The following TYW1B variants were observed in gnomAD, a reference collection of about 807,000 sequenced individuals.
The protein encoded by TYW1B is S-adenosyl-L-methionine-dependent tRNA 4-demethylwyosine synthase TYW1B.
Under a neutral mutation model 86.9 loss-of-function variants are expected in TYW1B, and 73 were observed. The ratio of observed to expected loss-of-function variants is 0.84; its 90% CI spans 0.70 to 1.02. The LOEUF (loss-of-function observed/expected upper bound fraction) is 1.02. Among genes scored for constraint, TYW1B ranks in the 50% least tolerant of loss-of-function variants. TYW1B has a pLI of 0.00. For missense variants in TYW1B, 637 were observed against 827.4 expected (o/e 0.77, Z 2.82); for synonymous variants, 248 against 292.8 (o/e 0.85, Z 1.56).
At chr7:72,751,967 A>C (rs1554465139) in intron 7 of TYW1B, among the ~76,000 whole-genome samples, 1 of 152,228 alleles carries the variant, frequency 6.6e-6, no homozygotes, top group Non-Finnish European at 1.5e-5. Flanking sequence ...GTGGAGAAGG[A>C]GAATGTCAGG....
intron 11 of TYW1B, among the ~76,000 whole-genome samples, chr7:72,638,088 G>GA (rs1812715612): frequency 1.3e-5 from 2 of 149,840 alleles, no homozygotes; most frequent in Admixed American, 6.8e-5. Flanking sequence ...TGTAATGGGG[G>GA]AAAAAAACAC....
chr7:72,593,364 A>G (rs1331942000), intron 13 of TYW1B, among the ~76,000 whole-genome samples: 9 of 152,258 alleles, frequency 5.9e-5, no homozygotes, highest in Middle Eastern at 3.4e-3. Context: ...TTTAACAGGC[A>G]CACAGAACAC....
chr7:72,764,119 A>G (rs1787732653), intron 7 of TYW1B, among the ~76,000 whole-genome samples: 1 of 152,170 alleles, frequency 6.6e-6, no homozygotes, highest in Non-Finnish European at 1.5e-5. Flanking sequence ...AAAATACTGC[A>G]TGTAAGAAAT....
intron 12 of TYW1B, among the ~76,000 whole-genome samples, chr7:72,625,387 C>G (rs1448571242): frequency 6.6e-6 from 1 of 152,082 alleles, no homozygotes; most frequent in African/African-American, 2.4e-5. Context: ...GGGAGGCTAA[C>G]GTAGAAGGAC....
At chr7:72,672,473 A>ACACACAC (rs1813630351) in intron 11 of TYW1B, among the ~76,000 whole-genome samples, 5 of 140,778 alleles carry the variant, frequency 3.6e-5, no homozygotes, top group East Asian at 2.2e-4. Flanking sequence ...TACACACACA[A>ACACACAC]ACACACACAC....
At chr7:72,615,236 T>G (rs1812041292) in intron 13 of TYW1B, among the ~76,000 whole-genome samples, 1 of 152,250 alleles carries the variant, frequency 6.6e-6, no homozygotes, top group Non-Finnish European at 1.5e-5. Flanking sequence ...TCTTACAGAC[T>G]GAAGTAAAGG....
intron 6 of TYW1B, among the ~76,000 whole-genome samples, chr7:72,793,475 G>A (rs1479145522): frequency 3.3e-5 from 5 of 152,120 alleles, no homozygotes; most frequent in Admixed American, 3.3e-4. Context: ...GGCCGGGAAC[G>A]GTGGCTCACG....
chr7:72,804,900 C>T (rs1349357437), intron 5 of TYW1B, among the ~76,000 whole-genome samples: 1 of 152,204 alleles, frequency 6.6e-6, no homozygotes, highest in African/African-American at 2.4e-5. Flanking sequence ...CTAGACTCTC[C>T]TTGATAACTT....
At chr7:72,714,844 G>A (rs1554455535) in intron 9 of TYW1B, among the ~76,000 whole-genome samples, 1 of 152,136 alleles carries the variant, frequency 6.6e-6, no homozygotes, top group African/African-American at 2.4e-5. Context: ...TTGAACCCAG[G>A]AGGCACAGAT....
intron 7 of TYW1B, among the ~76,000 whole-genome samples, chr7:72,765,257 A>C (rs782179256): frequency 1.3e-5 from 2 of 152,160 alleles, no homozygotes; most frequent in Non-Finnish European, 2.9e-5. Flanking sequence ...TTTAAATCTG[A>C]GATTCCTGTG....
chr7:72,614,218 A>T (rs2129568359), intron 13 of TYW1B, among the ~76,000 whole-genome samples: 1 of 152,290 alleles, frequency 6.6e-6, no homozygotes, highest in East Asian at 1.9e-4. Context: ...GAAGGAAGGA[A>T]AGAAGGGAAT....
At chr7:72,745,553 C>G (rs1554463646) in intron 7 of TYW1B, among the ~76,000 whole-genome samples, 1 of 151,864 alleles carries the variant, frequency 6.6e-6, no homozygotes, top group African/African-American at 2.4e-5. Context: ...AAAATCAGAT[C>G]TGTCCAGAGC....
chr7:72,590,343 CA>C (rs567894239), intron 13 of TYW1B, among the ~76,000 whole-genome samples: 158 of 152,256 alleles, frequency 1.0e-3, no homozygotes, highest in Non-Finnish European at 1.7e-3. Flanking sequence ...ACACTGTCTT[CA>C]AAATATTAAG....
chr7:72,666,329 G>A (rs1554445251), intron 11 of TYW1B, among the ~76,000 whole-genome samples: 1 of 152,138 alleles, frequency 6.6e-6, no homozygotes, highest in African/African-American at 2.4e-5. Flanking sequence ...GGGAGGCTGA[G>A]GTGGGAAGAT....
chr7:72,698,008 G>C (rs1224158805), intron 10 of TYW1B: 1 of 154,064 alleles, frequency 6.5e-6, no homozygotes, highest in African/African-American at 2.4e-5. Context: ...ATGTTTGTAA[G>C]AAATTCAAGT....
At chr7:72,667,066 G>C (rs1325481103) in intron 11 of TYW1B, among the ~76,000 whole-genome samples, 1 of 116,334 alleles carries the variant, frequency 8.6e-6, no homozygotes, top group Non-Finnish European at 1.8e-5. Context: ...CTAAAACAGG[G>C]TAAAATGCCC....
intron 11 of TYW1B, among the ~76,000 whole-genome samples, chr7:72,670,101 A>G (rs1459402922): frequency 2.0e-5 from 3 of 152,184 alleles, no homozygotes; most frequent in African/African-American, 7.2e-5. Context: ...ACTGCACTCC[A>G]GCCTGGGTGA....
chr7:72,585,106 T>C (rs1393811238), intron 13 of TYW1B, among the ~76,000 whole-genome samples: 1 of 152,218 alleles, frequency 6.6e-6, no homozygotes, highest in Non-Finnish European at 1.5e-5. Flanking sequence ...CGGTTTCCCT[T>C]GTAACTTCTC....
chr7:72,773,412 G>A (rs1319911811), intron 7 of TYW1B, among the ~76,000 whole-genome samples: 20 of 152,192 alleles, frequency 1.3e-4, no homozygotes, highest in African/African-American at 4.6e-4. Flanking sequence ...ATCCCATAGA[G>A]ATAGGAAACA....
Sources: gnomAD v4.1 joint callset for allele counts (sites outside exome capture counted in the v4.1 genomes callset) on GRCh38, gnomAD v4.1.1 for gene constraint, MANE v1.5 for transcripts, NCBI Gene and HGNC (gene_info 2026-07-23, HGNC 2026-07-21) for gene names.